CDH7: variants seen among roughly 807,000 people sequenced by gnomAD.
CDH7 encodes cadherin-7.
Under a neutral mutation model 71.8 loss-of-function variants are expected in CDH7, and 25 were observed. The observed-to-expected ratio is 0.35, with a 90% CI of 0.25 to 0.49. The LOEUF (loss-of-function observed/expected upper bound fraction) is 0.49, where lower values mean the gene tolerates loss of function less well. CDH7 is among the 20% of genes least tolerant of loss of function. CDH7 has a pLI of 0.99. For missense variants in CDH7, 862 were observed against 974.6 expected, an observed-to-expected ratio of 0.88 and a Z score of 1.54; for synonymous variants, 381 against 363.8, an observed-to-expected ratio of 1.05 and a Z score of -0.54.
intron 6 of CDH7, among the ~76,000 whole-genome samples, chr18:65,832,384 A>C (rs1473419989): frequency 6.6e-6 from 1 of 152,088 alleles, no homozygotes; most frequent in African/African-American, 2.4e-5. Flanking sequence ...TAAATAGAGA[A>C]AATGAAAAAA....
At chr18:65,844,415 A>G (rs906278689) in intron 7 of CDH7, among the ~76,000 whole-genome samples, 2 of 151,934 alleles carry the variant, frequency 1.3e-5, no homozygotes, top group Admixed American at 1.3e-4. Flanking sequence ...GGATACATGC[A>G]TATGTTAGAA....
At chr18:65,812,600 T>C (rs1356646442) in intron 3 of CDH7, among the ~76,000 whole-genome samples, 1 of 152,210 alleles carries the variant, frequency 6.6e-6, no homozygotes, top group Admixed American at 6.5e-5. Context: ...AATCATAAAA[T>C]TTTAAACACA....
chr18:65,854,258 C>G (rs1032115), intron 7 of CDH7, among the ~76,000 whole-genome samples: 147,766 of 151,916 alleles, frequency 0.97, 71,983 homozygotes, highest in East Asian at 1. Context: ...GTGAGCCATG[C>G]TTGCACCACT....
chr18:65,774,069 A>T (rs1372415200), intron 2 of CDH7, among the ~76,000 whole-genome samples: 1 of 152,162 alleles, frequency 6.6e-6, no homozygotes, highest in Non-Finnish European at 1.5e-5. Flanking sequence ...GTCAGCATTG[A>T]ACCTCAATAA....
At chr18:65,811,895 A>T (rs1028651207) in intron 3 of CDH7, among the ~76,000 whole-genome samples, 1 of 151,922 alleles carries the variant, frequency 6.6e-6, no homozygotes, top group Non-Finnish European at 1.5e-5. Flanking sequence ...GTATAAGTTA[A>T]ATAAATTATA....
intron 3 of CDH7, among the ~76,000 whole-genome samples, chr18:65,812,294 A>G (rs1286187557): frequency 5.3e-5 from 8 of 152,056 alleles, no homozygotes; most frequent in African/African-American, 1.9e-4. Context: ...TATTTAAGTT[A>G]TATACTTGGC....
intron 8 of CDH7, among the ~76,000 whole-genome samples, chr18:65,858,249 G>C (rs929488576): frequency 6.6e-6 from 1 of 151,880 alleles, no homozygotes; most frequent in Non-Finnish European, 1.5e-5. Flanking sequence ...TATGGAGTTA[G>C]TGAAATAACT....
At chr18:65,763,670 A>G (rs1487060286) in intron 2 of CDH7, among the ~76,000 whole-genome samples, 1 of 151,552 alleles carries the variant, frequency 6.6e-6, no homozygotes, top group East Asian at 1.9e-4. Context: ...ATTAAAAATG[A>G]TCATGGACAG....
chr18:65,857,997 G>T, intron 8 of CDH7, 45 bp downstream of exon 8: 3 of 1,580,962 alleles, frequency 1.9e-6, no homozygotes, highest in Non-Finnish European at 2.6e-6. Context: ...AGGACAGTGA[G>T]TGGAGAATCG....
intron 11 of CDH7, among the ~76,000 whole-genome samples, chr18:65,867,388 T>C (rs989143788): frequency 6.6e-5 from 10 of 152,188 alleles, no homozygotes; most frequent in African/African-American, 2.4e-4. Flanking sequence ...TCAATACCAA[T>C]TTAATTATGC....
At chr18:65,858,834 T>A in intron 8 of CDH7, 91 bp from the exon 9 acceptor site, 1 of 1,296,918 alleles carries the variant, frequency 7.7e-7, no homozygotes, top group South Asian at 1.3e-5. Context: ...ATTATGATTC[T>A]AGATTTCATT....
intron 2 of CDH7, among the ~76,000 whole-genome samples, chr18:65,779,254 ATTCTTTTTT>A (rs1015418671): frequency 3.4e-5 from 1 of 29,136 alleles, no homozygotes; most frequent in Non-Finnish European, 6.4e-5. Flanking sequence ...AATAGAAAAC[ATTCTTTTTT>A]TTTTTTTTTT....
chr18:65,792,620 C>A (rs910163037), intron 2 of CDH7, among the ~76,000 whole-genome samples: 3 of 151,952 alleles, frequency 2.0e-5, no homozygotes, highest in African/African-American at 7.3e-5. Flanking sequence ...TTTTTCTTTA[C>A]ATGGCCACAG....
intron 7 of CDH7, among the ~76,000 whole-genome samples, chr18:65,854,938 C>CAT (rs1272632629): frequency 7.3e-5 from 5 of 68,312 alleles, no homozygotes; most frequent in African/African-American, 1.7e-4. Flanking sequence ...TATATACACA[C>CAT]ACATATATAT....
chr18:65,868,729 A>G (rs80334414), intron 11 of CDH7, among the ~76,000 whole-genome samples: 1 of 152,332 alleles, frequency 6.6e-6, no homozygotes, highest in South Asian at 2.1e-4. Flanking sequence ...CCAAAATCTA[A>G]TACACAAATT....
At chr18:65,829,929 A>C (rs1912278706) in intron 6 of CDH7, among the ~76,000 whole-genome samples, 1 of 152,092 alleles carries the variant, frequency 6.6e-6, no homozygotes, top group South Asian at 2.1e-4. Context: ...TAAATATCCA[A>C]GGCTCTGTAG....
At chr18:65,821,191 ATTGT>A (rs1259047392) in intron 4 of CDH7, among the ~76,000 whole-genome samples, 1 of 151,952 alleles carries the variant, frequency 6.6e-6, no homozygotes, top group Non-Finnish European at 1.5e-5. Context: ...TCACACAAAG[ATTGT>A]TTATGTTTGG....
chr18:65,853,415 G>A (rs1037990587), intron 7 of CDH7, among the ~76,000 whole-genome samples: 1 of 152,024 alleles, frequency 6.6e-6, no homozygotes, highest in African/African-American at 2.4e-5. Context: ...ACATTACTAA[G>A]GCAGAGATAC....
At chr18:65,773,856 G>C (rs1252503285) in intron 2 of CDH7, among the ~76,000 whole-genome samples, 2 of 151,976 alleles carry the variant, frequency 1.3e-5, no homozygotes, top group African/African-American at 4.8e-5. Flanking sequence ...TGAGTTTTAG[G>C]ATGACACTTA....
Sources: allele counts gnomAD v4.1 joint callset (sites outside exome capture counted in the v4.1 genomes callset), GRCh38; gene constraint gnomAD v4.1.1; transcripts MANE v1.5; gene names NCBI Gene and HGNC (gene_info 2026-07-23, HGNC 2026-07-21).